Variants in PNPLA1 observed in about 807,000 individuals in gnomAD.
PNPLA1 encodes omega-hydroxyceramide transacylase.
A neutral mutation model predicts 51.7 loss-of-function variants in PNPLA1; 36 were observed. The ratio of observed to expected loss-of-function variants is 0.70; its 90% CI spans 0.53 to 0.92. The LOEUF is 0.92. Among genes scored for constraint, PNPLA1 ranks in the 40% least tolerant of loss-of-function variants. The pLI is 0.00. For missense variants in PNPLA1, 658 were observed against 682.5 expected, an observed-to-expected ratio of 0.96 and a Z score of 0.40; for synonymous variants, 293 against 280.1, an observed-to-expected ratio of 1.05 and a Z score of -0.46.
At chr6:36,244,677 G>A (rs370389645) in intron 1 of PNPLA1, among the ~76,000 whole-genome samples, 3 of 152,198 alleles carry the variant, frequency 2.0e-5, no homozygotes, top group Admixed American at 6.5e-5. Context: ...GGTGCCATTC[G>A]TTAGCTTCTC....
In PNPLA1 at chr6:36,311,914, G is replaced by T. The variant is rs1771416610; in HGVS notation, c.*28G>T. 2 of 152,646 alleles carry T rather than the reference G, an allele frequency of 1.3e-5. 1 individual carries two copies. The highest frequency in any genetic ancestry group is 4.1e-4 in the South Asian group (2 of 4,834). The allele number at this position is 152,646 out of a possible 1,614,324, so 9.5% of individuals were successfully genotyped here. ...TTGGAAGGCAGATACTGCCTGTCCT[G>T]TTCTGGGATGCTGTGGTGACTCCTG... On this transcript the variant is annotated 3_prime_UTR_variant, in exon 9 of 9. Transcript: ENST00000636260.
intron 5 of PNPLA1, among the ~76,000 whole-genome samples, chr6:36,300,668 T>A (rs976521882): frequency 2.6e-5 from 4 of 152,176 alleles, no homozygotes; most frequent in African/African-American, 7.2e-5. Flanking sequence ...ACATGACGTA[T>A]CCCTGCTGAT....
Position 36,303,446 on chromosome 6 carries a change from A to G in PNPLA1, c.1384+977A>G, listed in dbSNP as rs138402219. On this transcript the variant is annotated intron_variant, in intron 6 of 8. Transcript: ENST00000636260. ...TACTACAGACGGTTTCAGAAGCACC[A>G]CTATAGGGCCTGCAAAGATAAAACG... Among the ~76,000 whole-genome samples the G allele has an allele frequency of 2.4e-3, 360 of 152,292 alleles. 3 individuals carry two copies. Among genetic ancestry groups the G allele is most frequent in the South Asian group, 4.8e-3 (23 of 4,818 alleles).
At chr6:36,295,946 T>C (rs1351364773) in intron 5 of PNPLA1, among the ~76,000 whole-genome samples, 7 of 152,216 alleles carry the variant, frequency 4.6e-5, no homozygotes, top group Non-Finnish European at 1.0e-4. Context: ...CTGTGCTTTA[T>C]CAGGGTGGAA....
intron 1 of PNPLA1, among the ~76,000 whole-genome samples, chr6:36,248,399 A>G (rs1269675929): frequency 2.0e-5 from 3 of 152,188 alleles, no homozygotes; most frequent in Non-Finnish European, 2.9e-5. Context: ...TTGAGACACA[A>G]GGAAATTGCG....
intron 1 of PNPLA1, among the ~76,000 whole-genome samples, chr6:36,246,506 C>G (rs147799219): frequency 6.6e-6 from 1 of 152,140 alleles, no homozygotes; most frequent in African/African-American, 2.4e-5. Context: ...CCGGCCAGAT[C>G]CCGTGTCCTT....
intron 1 of PNPLA1, among the ~76,000 whole-genome samples, chr6:36,289,337 T>A (rs1770602905): frequency 6.6e-6 from 1 of 152,118 alleles, no homozygotes; most frequent in Non-Finnish European, 1.5e-5. Context: ...TGACTCCCCA[T>A]CCCAGCTGGT....
intron 1 of PNPLA1, among the ~76,000 whole-genome samples, chr6:36,246,896 T>C (rs1769299896): frequency 1.3e-5 from 2 of 152,244 alleles, no homozygotes; most frequent in Admixed American, 1.3e-4. Context: ...ATATGTCTTC[T>C]TGAACGCCAT....
intron 1 of PNPLA1, among the ~76,000 whole-genome samples, chr6:36,285,829 C>A (rs367693596): frequency 1.3e-5 from 2 of 152,134 alleles, no homozygotes; most frequent in African/African-American, 4.8e-5. Flanking sequence ...ATTTTTCTAG[C>A]CCCTCTTTCC....
intron 1 of PNPLA1, among the ~76,000 whole-genome samples, chr6:36,260,611 G>A (rs577034299): frequency 6.6e-6 from 1 of 152,204 alleles, no homozygotes; most frequent in South Asian, 2.1e-4. Context: ...CTCATTCAGA[G>A]GTAGTTTATC....
intron 6 of PNPLA1, among the ~76,000 whole-genome samples, chr6:36,304,619 T>G (rs1460317167): frequency 2.4e-5 from 3 of 123,794 alleles, no homozygotes; most frequent in Admixed American, 2.0e-4. Context: ...AGAGTGAGAC[T>G]CCGTCTCAGG....
chr6:36,304,273 T>C (rs959393809), intron 6 of PNPLA1, among the ~76,000 whole-genome samples: 3 of 152,126 alleles, frequency 2.0e-5, no homozygotes, highest in South Asian at 2.1e-4. Context: ...ATCTGGGAAT[T>C]AGCCCCAACT....
At chr6:36,290,429 A>G (rs1324336473) in intron 1 of PNPLA1, among the ~76,000 whole-genome samples, 1 of 152,168 alleles carries the variant, frequency 6.6e-6, no homozygotes, top group Non-Finnish European at 1.5e-5. Context: ...TTGAAATGCT[A>G]CTTTACCCAC....
chr6:36,313,429 T>C lies in PNPLA1; in HGVS notation c.*1543T>C, dbSNP rs1257536481. On this transcript the variant is annotated 3_prime_UTR_variant, in exon 9 of 9. Transcript: ENST00000636260. ...CCTGAAATGCAAAACCCAGAATGAA[T>C]GGGTGGAGGACCATACTAAACTGCC... 6.6e-6 allele frequency among the ~76,000 whole-genome samples: 1 copy of C among 152,086 alleles called. No individual in the cohort carries two copies. The highest frequency in any genetic ancestry group is 2.4e-5 in the African/African-American group (1 of 41,392).
chr6:36,271,397 C>T (rs1769912376), intron 1 of PNPLA1, among the ~76,000 whole-genome samples: 3 of 152,218 alleles, frequency 2.0e-5, no homozygotes, highest in Admixed American at 2.0e-4. Flanking sequence ...TATTCATTTA[C>T]AGAGCTCCTA....
intron 1 of PNPLA1, among the ~76,000 whole-genome samples, chr6:36,283,485 C>T (rs1006859667): frequency 2.0e-5 from 3 of 152,092 alleles, no homozygotes; most frequent in East Asian, 1.9e-4. Context: ...TCTGTCCTTA[C>T]GAAATCACCA....
intron 5 of PNPLA1, among the ~76,000 whole-genome samples, chr6:36,298,051 ACT>A (rs1360569358): frequency 2.0e-5 from 3 of 151,984 alleles, no homozygotes; most frequent in African/African-American, 7.3e-5. Flanking sequence ...TACAATGTGA[ACT>A]CTTTTTTAAA....
chr6:36,284,079 G>A (rs1043613939), intron 1 of PNPLA1, among the ~76,000 whole-genome samples: 12 of 152,226 alleles, frequency 7.9e-5, no homozygotes, highest in African/African-American at 2.9e-4. Flanking sequence ...GCAGTGGGAT[G>A]TTGGAGGTTG....
In PNPLA1 at chr6:36,291,513, G is replaced by T. The variant is rs1488518196; in HGVS notation, c.399G>T (p.Val133=). The T allele has an allele frequency of 5.1e-6, 8 of 1,583,896 alleles. No individual in the cohort carries two copies. Among genetic ancestry groups the T allele is most frequent in the Non-Finnish European group, 6.9e-6 (8 of 1,162,474 alleles). The change falls in exon 2 of 9, where the codon GTG becomes GTT. Residue 133 remains valine (V), a synonymous_variant. Coordinates refer to ENST00000636260, the MANE Select transcript of PNPLA1 (RefSeq NM_001374623.1). ...SLTRLTDGEN[V]VVSEFTSKEE... Reference sequence around the variant, plus strand: ...CCCGCTTAACGGACGGGGAGAATGTGGTGGTTTCAGAGTTCACGTCCAAGG... The same window carrying T: ...CCCGCTTAACGGACGGGGAGAATGTTGTGGTTTCAGAGTTCACGTCCAAGG...
Sources: gnomAD v4.1 joint callset for allele counts (sites outside exome capture counted in the v4.1 genomes callset) on GRCh38, gnomAD v4.1.1 for gene constraint, MANE v1.5 for transcripts, NCBI Gene and HGNC (gene_info 2026-07-23, HGNC 2026-07-21) for gene names.